Variants in JAK1 observed in about 807,000 individuals in gnomAD.
JAK1 encodes the protein tyrosine-protein kinase JAK1.
Under a neutral mutation model 136.6 loss-of-function variants are expected in JAK1, and 16 were observed. The observed-to-expected ratio is 0.12, with a 90% CI of 0.08 to 0.18. The LOEUF (loss-of-function observed/expected upper bound fraction) is 0.18. Ranked by LOEUF, JAK1 falls within the 10% of genes least tolerant of loss-of-function variation. The probability of loss-of-function intolerance (pLI) is 1.00; values close to 1 mark genes in which losing one functional copy is unlikely to be tolerated. For synonymous variants in JAK1, 492 were observed against 519.5 expected, an observed-to-expected ratio of 0.95 and a Z score of 0.72; for missense variants, 859 against 1,450.1, an observed-to-expected ratio of 0.59 and a Z score of 6.62.
intron 22 of JAK1, 51 bp from the exon 23 acceptor site, chr1:64,836,266 T>A (rs767218924): frequency 3.0e-6 from 3 of 1,016,574 alleles, no homozygotes; most frequent in Non-Finnish European, 4.7e-6. Flanking sequence ...GCACACTCCA[T>A]CCGACATTAC....
At chr1:64,881,149 T>C (rs1044449806) in intron 3 of JAK1, among the ~76,000 whole-genome samples, 2 of 151,682 alleles carry the variant, frequency 1.3e-5, no homozygotes, top group African/African-American at 2.4e-5. Context: ...GTAGTCATAG[T>C]TACTTGGGAG....
rs10493373 is a variant in JAK1, at chr1:64,947,257, T to A, written c.-78+19076A>T. Among the ~76,000 whole-genome samples, 39 of 152,116 alleles carry A rather than the reference T, an allele frequency of 2.6e-4. No homozygotes were observed. In the South Asian group the frequency reaches 7.9e-3, roughly 31 times the overall value. The stretch of plus-strand genomic sequence containing the variant: ...AAAAATTTTTTAACTGCCAGTTCAA[T>A]ATATTACAGCTGACATCTGTTTTTA... On this transcript the variant is annotated intron_variant, in intron 1 of 24. Transcript: ENST00000342505.
rs74080797 is a variant in JAK1 at position 64,884,170 on chromosome 1, T to C, written c.7-695A>G. On this transcript the variant is annotated intron_variant, in intron 2 of 24. Transcript: ENST00000342505. ...GGAGGAGGCCTTACTTTGGAACAGT[T>C]AGAAAACCCTGGTGAAAAGTGCGTA... 5.0e-3 allele frequency among the ~76,000 whole-genome samples: 760 copies of C among 152,230 alleles called. 5 individuals carry two copies. Among genetic ancestry groups the C allele is most frequent in the African/African-American group, 0.017 (725 of 41,528 alleles).
chr1:64,964,286 T>C, intron 1 of JAK1, among the ~76,000 whole-genome samples: 2 of 152,352 alleles, frequency 1.3e-5, no homozygotes, highest in South Asian at 4.1e-4. Flanking sequence ...CAAAATGGGA[T>C]GTGTCTTTGA....
At chr1:64,957,694 C>T (rs1646213635) in intron 1 of JAK1, among the ~76,000 whole-genome samples, 2 of 151,738 alleles carry the variant, frequency 1.3e-5, no homozygotes, top group Admixed American at 1.3e-4. Flanking sequence ...CCTGTAATCC[C>T]AGCACTTTGG....
chr1:64,921,305 C>T (rs561202526), intron 1 of JAK1, among the ~76,000 whole-genome samples: 4 of 152,128 alleles, frequency 2.6e-5, no homozygotes, highest in Non-Finnish European at 5.9e-5. Flanking sequence ...TCTGGGCTTT[C>T]GATCATAGGA....
At position 64,835,969 on chromosome 1, in the gene JAK1, T is replaced by C; in HGVS notation, c.3258+129A>G. ...ACTGTCAAGTAGCAAACCAAGTTAA[T>C]GGGAAAGTGACATTTTCCATTATAA... On this transcript the variant is annotated intron_variant, in intron 23 of 24. Transcript: ENST00000342505. 1.1e-5 allele frequency: 7 copies of C among 657,048 alleles called. No homozygotes were observed. The East Asian group carries it at 1.9e-4, about 18-fold the overall frequency. The allele number at this position is 657,048 out of a possible 1,614,324, so 40.7% of individuals were successfully genotyped here. A position where few individuals can be genotyped will look rare whatever the true frequency, so the allele number is the denominator to read the frequency against.
chr1:64,966,531 G>A lies in JAK1; in HGVS notation c.-276C>T, dbSNP rs1456617425. The A allele has an allele frequency of 1.3e-5, 2 of 149,978 alleles. No homozygotes were observed. Among genetic ancestry groups the A allele is most frequent in the African/African-American group, 4.9e-5 (2 of 41,116 alleles). 9.3% of individuals were successfully genotyped at this position (149,978 alleles called of 1,614,324 possible). On this transcript the variant is annotated 5_prime_UTR_variant, in exon 1 of 25. Transcript: ENST00000342505. ...CTCCAGGATACTCCGCGGCCGCCGC[G>A]GCCTGCGCTCAGCGACGCACCGCCT...
In JAK1 at chr1:64,864,981, A is replaced by G. The variant is rs750129475; in HGVS notation, c.991-9T>C. 8 of 1,606,014 alleles carry G rather than the reference A, an allele frequency of 5.0e-6. No individual in the cohort carries two copies. In the African/African-American group the frequency reaches 9.4e-5, roughly 19 times the overall value. ...TTTTCAACAGAAACAACCTGATAAG[A>G]TACATAAAAGGGACAGGGTTAAGTT... is the stretch of plus-strand genomic sequence containing the variant. On this transcript the variant is annotated splice_polypyrimidine_tract_variant and intron_variant, in intron 7 of 24. Coordinates refer to ENST00000342505, the MANE Select transcript of JAK1 (RefSeq NM_002227.4).
At chr1:64,877,502 C>A (rs1000911144) in intron 4 of JAK1, among the ~76,000 whole-genome samples, 2 of 152,164 alleles carry the variant, frequency 1.3e-5, no homozygotes, top group East Asian at 3.9e-4. Context: ...CTCAGACAAC[C>A]AAGACTAATG....
At chr1:64,972,561 G>C (rs1646461242) in intron 2 of JAK1, 1 of 152,264 alleles carries the variant, frequency 6.6e-6, no homozygotes, top group Non-Finnish European at 1.5e-5. Flanking sequence ...GGTCAAGGCG[G>C]GTGGATCACT....
chr1:64,877,938 A>C (rs892238684), intron 4 of JAK1, among the ~76,000 whole-genome samples: 1 of 152,216 alleles, frequency 6.6e-6, no homozygotes, highest in African/African-American at 2.4e-5. Flanking sequence ...AAGAGGAAAA[A>C]GTCAGCCCTA....
At chr1:65,037,930 C>T in intron 2 of JAK1, among the ~76,000 whole-genome samples, 1 of 152,094 alleles carries the variant, frequency 6.6e-6, no homozygotes, top group African/African-American at 2.4e-5. Context: ...GCTGCCCACC[C>T]TCTGCTTGAA....
At chr1:65,018,000 G>A (rs1002908538) in intron 2 of JAK1, among the ~76,000 whole-genome samples, 1 of 151,862 alleles carries the variant, frequency 6.6e-6, no homozygotes, top group African/African-American at 2.4e-5. Context: ...AGTAGAAATG[G>A]GGTTTCACCA....
intron 9 of JAK1, among the ~76,000 whole-genome samples, chr1:64,858,840 G>A (rs1295449201): frequency 6.6e-6 from 1 of 152,186 alleles, no homozygotes; most frequent in Admixed American, 6.5e-5. Flanking sequence ...GGATGGAGAA[G>A]GGAAAGAGGT....
chr1:64,941,487 T>C (rs1410247315), intron 1 of JAK1, among the ~76,000 whole-genome samples: 3 of 152,144 alleles, frequency 2.0e-5, no homozygotes, highest in Non-Finnish European at 2.9e-5. Context: ...ACCAATCAAA[T>C]ATTTTAGGGA....
chr1:64,849,349 G>A lies in JAK1; in HGVS notation c.1755+1455C>T, dbSNP rs945057689. Among the ~76,000 whole-genome samples the A allele has an allele frequency of 7.9e-4, 120 of 152,022 alleles. 1 individual carries two copies. The highest frequency in any genetic ancestry group is 8.8e-5 in the Non-Finnish European group (6 of 68,018). ...GGACTACAGCTGCTTACCACTACAC[G>A]CAGCTCATTTTTTCATTTGTATTTT... On this transcript the variant is annotated intron_variant, in intron 12 of 24. Coordinates refer to ENST00000342505, the MANE Select transcript of JAK1 (RefSeq NM_002227.4).
chr1:65,002,325 T>C (rs1646766245), intron 2 of JAK1: 1 of 152,222 alleles, frequency 6.6e-6, no homozygotes, highest in Admixed American at 6.5e-5. Context: ...GTCCTATGTG[T>C]TACCTGGTCG....
intron 6 of JAK1, 105 bp downstream of exon 6, chr1:64,869,206 G>T: frequency 1.0e-6 from 1 of 996,124 alleles, no homozygotes; most frequent in Non-Finnish European, 1.5e-6. Flanking sequence ...TTCATAGAGA[G>T]CAAAGGTCAG....
Sources: gnomAD v4.1 joint callset for allele counts (sites outside exome capture counted in the v4.1 genomes callset) on GRCh38, gnomAD v4.1.1 for gene constraint, MANE v1.5 for transcripts, NCBI Gene and HGNC (gene_info 2026-07-23, HGNC 2026-07-21) for gene names.